Variants in PKIB observed in about 807,000 individuals in gnomAD.
PKIB encodes the protein cAMP-dependent protein kinase inhibitor beta, also known as PKI-beta.
PKIB carries 2 observed loss-of-function variants against 4.5 expected under a neutral mutation model. The ratio of observed to expected loss-of-function variants is 0.44; its 90% confidence interval spans 0.18 to 1.39. The LOEUF (loss-of-function observed/expected upper bound fraction) is 1.39. Ranked by LOEUF, PKIB falls within the 40% of genes most tolerant of loss-of-function variation. The pLI is 0.27. For synonymous variants in PKIB, 38 were observed against 36.0 expected, an observed-to-expected ratio of 1.06 and a Z score of -0.20; for missense variants, 94 against 92.6, an observed-to-expected ratio of 1.02 and a Z score of -0.06.
intron 2 of PKIB, among the ~76,000 whole-genome samples, chr6:122,558,852 G>A (rs197688): frequency 0.077 from 11,740 of 152,056 alleles, 637 homozygotes; most frequent in Middle Eastern, 0.19. Context: ...ACCCATCACC[G>A]GAGCAGTATA....
intron 2 of PKIB, among the ~76,000 whole-genome samples, chr6:122,506,694 ATTTTTTTTTT>A (rs35341464): frequency 4.3e-5 from 5 of 116,570 alleles, no homozygotes; most frequent in South Asian, 6.2e-4. Flanking sequence ...TGGAGATGTA[ATTTTTTTTTT>A]TTTTTTTTTT....
intron 2 of PKIB, among the ~76,000 whole-genome samples, chr6:122,579,583 G>A (rs1338511539): frequency 6.6e-6 from 1 of 151,994 alleles, no homozygotes; most frequent in East Asian, 1.9e-4. Context: ...AAAAAGCAAA[G>A]TATTATTTTT....
At chr6:122,673,410 A>C (rs1448772347) in intron 2 of PKIB, among the ~76,000 whole-genome samples, 1 of 152,158 alleles carries the variant, frequency 6.6e-6, no homozygotes, top group African/African-American at 2.4e-5. Flanking sequence ...ACATTATATA[A>C]GTTTTGAAGT....
chr6:122,579,688 T>G (rs1356227449), intron 2 of PKIB, among the ~76,000 whole-genome samples: 1 of 152,190 alleles, frequency 6.6e-6, no homozygotes. Context: ...TGAAAATTAC[T>G]CTCTAGTATT....
chr6:122,533,788 G>T (rs2114621937), intron 2 of PKIB, among the ~76,000 whole-genome samples: 1 of 152,028 alleles, frequency 6.6e-6, no homozygotes, highest in East Asian at 1.9e-4. Context: ...CTTTCTCATG[G>T]GTCTGCGTTT....
At chr6:122,579,494 C>A (rs1773644303) in intron 2 of PKIB, among the ~76,000 whole-genome samples, 1 of 151,904 alleles carries the variant, frequency 6.6e-6, no homozygotes, top group Non-Finnish European at 1.5e-5. Flanking sequence ...TTTTAATTTT[C>A]TGTACTACAT....
rs59569106 is a variant in PKIB, at chr6:122,576,710, A to ATATATATTTTT, written c.-247-9210_-247-9209insATATATTTTTT. Reference sequence around the variant, plus strand: ...AAAAAATATATATATATATATATATATTTTCTTTTGTATAATTATACCTCA... The same window carrying ATATATATTTTT: ...AAAAAATATATATATATATATATATATATATATTTTTTTTTCTTTTGTATAATTATACCTCA... On this transcript the variant is annotated intron_variant, in intron 2 of 6. Transcript: ENST00000392491. Among the ~76,000 whole-genome samples, 79 of 109,934 alleles carry ATATATATTTTT rather than the reference A, an allele frequency of 7.2e-4. 1 individual carries two copies. The highest frequency in any genetic ancestry group is 2.6e-3 in the African/African-American group (66 of 25,240). 72.1% of individuals were successfully genotyped at this position (109,934 alleles called of 152,430 possible). A position where few individuals can be genotyped will look rare whatever the true frequency, so the allele number is the denominator to read the frequency against.
Position 122,505,185 on chromosome 6 carries a change from C to T in PKIB, c.-248+27246C>T, listed in dbSNP as rs141948421. On this transcript the variant is annotated intron_variant, in intron 2 of 6. Transcript: ENST00000392491. ...GAGTGGGCTTAACTAGGAGCCTGTA[C>T]GTCTGTCCACATTTTAATGTTTTAA... Among the ~76,000 whole-genome samples, 12 of 152,252 alleles carry T rather than the reference C, an allele frequency of 7.9e-5. 1 individual carries two copies. The East Asian group carries it at 1.9e-3, about 24-fold the overall frequency.
intron 3 of PKIB, among the ~76,000 whole-genome samples, chr6:122,690,043 A>AT (rs142860056): frequency 0.25 from 37,513 of 151,480 alleles, 5,104 homozygotes; most frequent in East Asian, 0.43. Flanking sequence ...CTTGAAGTAC[A>AT]TTTTTTTTGA....
At chr6:122,604,775 A>G (rs1350549965) in intron 3 of PKIB, among the ~76,000 whole-genome samples, 1 of 152,162 alleles carries the variant, frequency 6.6e-6, no homozygotes, top group Non-Finnish European at 1.5e-5. Flanking sequence ...AGAACCCAAC[A>G]TTTTCTGTTT....
At chr6:122,633,971 T>TATCTATCTATCC (rs1775808040) in intron 2 of PKIB, among the ~76,000 whole-genome samples, 1 of 151,866 alleles carries the variant, frequency 6.6e-6, no homozygotes, top group Non-Finnish European at 1.5e-5. Context: ...TCTATCTATC[T>TATCTATCTATCC]ATCCATCTAT....
intron 2 of PKIB, among the ~76,000 whole-genome samples, chr6:122,662,339 G>T (rs1382853946): frequency 3.2e-4 from 4 of 12,684 alleles, no homozygotes; most frequent in Admixed American, 7.2e-4. Context: ...TTTTTTTTTG[G>T]AGATTCATTC....
Position 122,513,707 on chromosome 6 carries a change from A to G in PKIB, c.-248+35768A>G, listed in dbSNP as rs191898201. On this transcript the variant is annotated intron_variant, in intron 2 of 6. Coordinates refer to the PKIB transcript ENST00000392491. ...ACGTGGGCTCAATGTTTAGCTTCCA[A>G]TTACAAGTGAGATCGTGCAATATTT... 5.4e-3 allele frequency among the ~76,000 whole-genome samples: 815 copies of G among 152,180 alleles called. 8 individuals are homozygous for G. The highest frequency in any genetic ancestry group is 0.018 in the African/African-American group (765 of 41,490).
intron 2 of PKIB, among the ~76,000 whole-genome samples, chr6:122,543,349 C>A (rs974989059): frequency 2.4e-4 from 36 of 151,392 alleles, no homozygotes; most frequent in African/African-American, 8.1e-4. Flanking sequence ...TTGGCCCCAC[C>A]CCCTCCTTTT....
chr6:122,667,983 C>G (rs1040077203), intron 2 of PKIB, among the ~76,000 whole-genome samples: 1 of 152,154 alleles, frequency 6.6e-6, no homozygotes, highest in Non-Finnish European at 1.5e-5. Context: ...ACCCTCTACC[C>G]TGCTCCCACT....
chr6:122,724,097 T>G lies in PKIB; in HGVS notation c.170-1031T>G, dbSNP rs1357241282. 5.9e-5 allele frequency among the ~76,000 whole-genome samples: 9 copies of G among 152,250 alleles called. No homozygotes were observed. The East Asian group carries it at 1.5e-3, about 26-fold the overall frequency. ...TGCAGGAGTAGTAGACCTAAATAGT[T>G]TCACTTAAAAACGGAGACAACAAAA... On this transcript the variant is annotated intron_variant, in intron 4 of 4. Transcript: ENST00000368452.
chr6:122,534,812 A>T (rs1291325349), intron 2 of PKIB, among the ~76,000 whole-genome samples: 1 of 152,180 alleles, frequency 6.6e-6, no homozygotes, highest in Non-Finnish European at 1.5e-5. Flanking sequence ...ATGAGAAAAG[A>T]TTCAGGAAGG....
chr6:122,513,925 A>G (rs1373940136), intron 2 of PKIB, among the ~76,000 whole-genome samples: 1 of 152,234 alleles, frequency 6.6e-6, no homozygotes, highest in East Asian at 1.9e-4. Flanking sequence ...GAACTTCACT[A>G]AGACCTGAAG....
chr6:122,687,966 C>A (rs1289458224), intron 3 of PKIB, among the ~76,000 whole-genome samples: 3 of 151,680 alleles, frequency 2.0e-5, no homozygotes, highest in Non-Finnish European at 4.4e-5. Context: ...TTTAATGGCT[C>A]TAGCTAGGAC....
Sources: allele counts gnomAD v4.1 joint callset (sites outside exome capture counted in the v4.1 genomes callset), GRCh38; gene constraint gnomAD v4.1.1; transcripts MANE v1.5; gene names NCBI Gene and HGNC (gene_info 2026-07-23, HGNC 2026-07-21).